PTK2: variants seen among roughly 807,000 people sequenced by gnomAD.
PTK2 encodes protein tyrosine kinase 2.
PTK2 carries 45 observed loss-of-function variants against 150.1 expected under a neutral mutation model. The observed-to-expected ratio is 0.30, with a 90% CI of 0.24 to 0.38. PTK2 has a LOEUF of 0.38. Among genes scored for constraint, PTK2 ranks in the 10% least tolerant of loss-of-function variants. PTK2 has a pLI of 1.00. For missense variants in PTK2, 919 were observed against 1,307.3 expected (o/e 0.70, Z 4.58); for synonymous variants, 432 against 449.2 (o/e 0.96, Z 0.48).
intron 22 of PTK2, among the ~76,000 whole-genome samples, chr8:140,721,048 T>C (rs1431903013): frequency 6.6e-6 from 1 of 151,958 alleles, no homozygotes; most frequent in Non-Finnish European, 1.5e-5. Flanking sequence ...TGAGCCACCA[T>C]GCCTGGCCTC....
chr8:140,785,220 C>A (rs1298982205), intron 14 of PTK2, among the ~76,000 whole-genome samples: 4 of 152,200 alleles, frequency 2.6e-5, no homozygotes, highest in Non-Finnish European at 5.9e-5. Context: ...AATATTCCTG[C>A]CTTTCTGCTG....
chr8:140,719,752 G>T (rs2100041739), intron 22 of PTK2, among the ~76,000 whole-genome samples: 1 of 151,950 alleles, frequency 6.6e-6, no homozygotes, highest in Admixed American at 6.6e-5. Context: ...GGCCAGGCAA[G>T]TTGGCTTATG....
At chr8:140,702,905 A>G (rs976483468) in intron 24 of PTK2, among the ~76,000 whole-genome samples, 198 bp from the exon 28 acceptor site, 3 of 152,218 alleles carry the variant, frequency 2.0e-5, no homozygotes, top group Non-Finnish European at 2.9e-5. Context: ...AGATGTGGTT[A>G]TAAGTCAAGG....
chr8:140,839,007 A>G (rs938341743), intron 7 of PTK2, among the ~76,000 whole-genome samples: 2 of 151,718 alleles, frequency 1.3e-5, no homozygotes, highest in African/African-American at 4.8e-5. Context: ...TCCGTCTCAA[A>G]AAAAAAAACA....
rs563499042 is a variant in PTK2 at position 140,949,683 on chromosome 8, A to G, written c.-121-23934T>C. On this transcript the variant is annotated intron_variant, in intron 1 of 31. Coordinates refer to ENST00000522684, the Ensembl canonical transcript of PTK2. ...CGGGAGGGAGGCCAAGGGGGAGCTG[A>G]GGGTGGCTCAGTGTGGGCCTGCAGG... 4.6e-5 allele frequency among the ~76,000 whole-genome samples: 7 copies of G among 152,310 alleles called. No individual in the cohort carries two copies. The East Asian group carries it at 1.4e-3, about 29-fold the overall frequency.
chr8:140,792,400 C>T (rs1478690416), intron 13 of PTK2, among the ~76,000 whole-genome samples: 2 of 152,210 alleles, frequency 1.3e-5, no homozygotes, highest in African/African-American at 4.8e-5. Context: ...TTCAGAGTGT[C>T]CTGTGGCCTC....
intron 3 of PTK2, 53 bp from the exon 4 acceptor site, chr8:140,879,690 AAAAAAAAAAAAC>A: frequency 1.6e-6 from 2 of 1,270,710 alleles, no homozygotes; most frequent in Non-Finnish European, 2.0e-6. Flanking sequence ...AAAAAAAAAA[AAAAAAAAAAAAC>A]CAAAACAAAA....
At chr8:140,811,307 G>A (rs2100101409) in intron 10 of PTK2, among the ~76,000 whole-genome samples, 1 of 152,174 alleles carries the variant, frequency 6.6e-6, no homozygotes, top group African/African-American at 2.4e-5. Flanking sequence ...GCTGGGCACT[G>A]GTCCCCTAAA....
chr8:140,797,737 G>T (rs2154592271), intron 12 of PTK2, among the ~76,000 whole-genome samples: 1 of 152,312 alleles, frequency 6.6e-6, no homozygotes, highest in East Asian at 1.9e-4. Context: ...AGGTTATGCA[G>T]ACTGTGGTGG....
At chr8:140,770,010 T>G (rs996480917) in intron 14 of PTK2, among the ~76,000 whole-genome samples, 1 of 152,166 alleles carries the variant, frequency 6.6e-6, no homozygotes, top group Non-Finnish European at 1.5e-5. Flanking sequence ...TCTGTATGTT[T>G]AGTTACAAGA....
chr8:140,661,875 A>G (rs2080647281), intron 31 of PTK2, among the ~76,000 whole-genome samples: 3 of 152,232 alleles, frequency 2.0e-5, no homozygotes. Context: ...CGCTGAGTGC[A>G]GCTGCCATGT....
chr8:140,784,097 G>A (rs978305548), intron 14 of PTK2, among the ~76,000 whole-genome samples: 5 of 152,122 alleles, frequency 3.3e-5, no homozygotes, highest in East Asian at 1.9e-4. Flanking sequence ...CCTGGGAGGC[G>A]GAGGTTGCAG....
chr8:140,871,955 T>C (rs1221725577), intron 4 of PTK2, among the ~76,000 whole-genome samples: 2 of 151,884 alleles, frequency 1.3e-5, no homozygotes, highest in Non-Finnish European at 2.9e-5. Flanking sequence ...ACACCTATAA[T>C]CCCAGCACTT....
At chr8:140,787,234 G>A (rs2100085487) in intron 14 of PTK2, among the ~76,000 whole-genome samples, 1 of 152,166 alleles carries the variant, frequency 6.6e-6, no homozygotes, top group Admixed American at 6.5e-5. Flanking sequence ...GGGTGTTAAA[G>A]CCAGACATTA....
intron 5 of PTK2, among the ~76,000 whole-genome samples, chr8:140,860,167 A>G (rs564202943): frequency 1.6e-3 from 240 of 152,358 alleles, no homozygotes; most frequent in Non-Finnish European, 2.9e-3. Flanking sequence ...TGAGGGATAC[A>G]TAAATTTGAA....
intron 5 of PTK2, among the ~76,000 whole-genome samples, chr8:140,859,873 G>A (rs1216727866): frequency 1.3e-5 from 2 of 151,506 alleles, no homozygotes; most frequent in Non-Finnish European, 2.9e-5. Context: ...ACAATATATG[G>A]ATCACTTATA....
At chr8:140,735,873 G>A (rs1034850414) in intron 21 of PTK2, among the ~76,000 whole-genome samples, 31 of 152,266 alleles carry the variant, frequency 2.0e-4, no homozygotes, top group African/African-American at 6.5e-4. Flanking sequence ...TAAGTCTTAC[G>A]CTTTTGGAAA....
intron 20 of PTK2, among the ~76,000 whole-genome samples, chr8:140,742,402 C>T (rs1482553923): frequency 6.6e-6 from 1 of 152,232 alleles, no homozygotes; most frequent in African/African-American, 2.4e-5. Flanking sequence ...TCCAGACGTG[C>T]AACTCCTGGG....
chr8:140,830,591 C>A (rs998617687), intron 7 of PTK2, 65 bp from the exon 8 acceptor site: 16 of 969,176 alleles, frequency 1.7e-5, no homozygotes, highest in Admixed American at 2.8e-5. Context: ...GACAAACTTG[C>A]AAGAACATAA....
Sources: allele counts gnomAD v4.1 joint callset (sites outside exome capture counted in the v4.1 genomes callset), GRCh38; gene constraint gnomAD v4.1.1; transcripts MANE v1.5; gene names NCBI Gene and HGNC (gene_info 2026-07-23, HGNC 2026-07-21).